NRG1: variants seen among roughly 807,000 people sequenced by gnomAD.
NRG1 encodes neuregulin 1, also known as pro-neuregulin-1, membrane-bound isoform.
In NRG1, 18 loss-of-function variants were observed where a neutral mutation model predicts 63.8. That is an observed-to-expected ratio of 0.28 (90% CI 0.19 to 0.42). NRG1 has a LOEUF of 0.42. Among genes scored for constraint, NRG1 ranks in the 10% least tolerant of loss-of-function variants. The pLI, the probability that NRG1 is intolerant of heterozygous loss-of-function variation, is 1.00. For missense variants in NRG1, 762 were observed against 814.7 expected, an observed-to-expected ratio of 0.94 and a Z score of 0.79; for synonymous variants, 302 against 301.3, an observed-to-expected ratio of 1.00 and a Z score of -0.02.
chr8:32,081,994 TGACAAAGGACACAGTATTGCTG>T (rs907119595), intron 1 of NRG1, among the ~76,000 whole-genome samples: 1 of 152,052 alleles, frequency 6.6e-6, no homozygotes, highest in Admixed American at 6.6e-5. Flanking sequence ...GGGCTGGCTT[TGACAAAGGACACAGTATTGCTG>T]GCAGAAGAAA....
intron 1 of NRG1, among the ~76,000 whole-genome samples, chr8:32,363,368 A>G (rs1452732013): frequency 1.3e-5 from 2 of 152,210 alleles, no homozygotes; most frequent in Non-Finnish European, 2.9e-5. Flanking sequence ...CAGTACACAG[A>G]TACAAGGGCT....
chr8:31,666,793 A>G (rs1473595393), intron 1 of NRG1, among the ~76,000 whole-genome samples: 1 of 152,222 alleles, frequency 6.6e-6, no homozygotes, highest in Non-Finnish European at 1.5e-5. Flanking sequence ...CATCCTTTTG[A>G]CAGGTTCTAC....
chr8:32,575,515 A>AT (rs1563684189), intron 1 of NRG1, among the ~76,000 whole-genome samples: 2 of 152,098 alleles, frequency 1.3e-5, no homozygotes, highest in African/African-American at 4.8e-5. Context: ...GAAAAGTTGT[A>AT]TTTTAGGACT....
chr8:32,203,259 A>G (rs1464531149), intron 1 of NRG1, among the ~76,000 whole-genome samples: 6 of 150,868 alleles, frequency 4.0e-5, no homozygotes, highest in Non-Finnish European at 8.8e-5. Flanking sequence ...TAAAACTGGC[A>G]ACCAGAAACA....
At chr8:32,653,867 A>G (rs1855690623) in intron 5 of NRG1, among the ~76,000 whole-genome samples, 1 of 152,192 alleles carries the variant, frequency 6.6e-6, no homozygotes, top group Non-Finnish European at 1.5e-5. Context: ...ATTCACATGA[A>G]GAGTGATTGA....
At chr8:32,537,195 CAAAA>C (rs71208193) in intron 1 of NRG1, among the ~76,000 whole-genome samples, 10 of 43,814 alleles carry the variant, frequency 2.3e-4, no homozygotes, top group Non-Finnish European at 3.7e-4. Flanking sequence ...GACTCCATCT[CAAAA>C]AAAAAAAAAA....
intron 5 of NRG1, among the ~76,000 whole-genome samples, chr8:32,627,032 A>AAG (rs554997238): frequency 6.6e-6 from 1 of 151,866 alleles, no homozygotes; most frequent in Non-Finnish European, 1.5e-5. Context: ...AAAAATAAAA[A>AAG]TAAAAAAGGA....
At chr8:31,728,028 G>C (rs1813626968) in intron 1 of NRG1, among the ~76,000 whole-genome samples, 2 of 152,162 alleles carry the variant, frequency 1.3e-5, no homozygotes, top group Admixed American at 1.3e-4. Context: ...GGGACAGTGG[G>C]AGACTTCATC....
intron 1 of NRG1, among the ~76,000 whole-genome samples, chr8:31,933,568 C>T (rs1260349142): frequency 6.6e-6 from 1 of 152,146 alleles, no homozygotes. Flanking sequence ...AGGCGTGAGC[C>T]ACTGCACCCA....
chr8:32,587,981 T>G (rs889932119), intron 1 of NRG1, among the ~76,000 whole-genome samples: 6 of 152,064 alleles, frequency 3.9e-5, no homozygotes, highest in Admixed American at 3.3e-4. Context: ...CAGGCTGGAG[T>G]GCAGTGGTGT....
At chr8:32,173,380 A>G (rs1331381773) in intron 1 of NRG1, among the ~76,000 whole-genome samples, 1 of 152,262 alleles carries the variant, frequency 6.6e-6, no homozygotes, top group Non-Finnish European at 1.5e-5. Context: ...CAGCCACTGC[A>G]AAAACATGCC....
chr8:32,123,389 C>T (rs1833713573), intron 1 of NRG1, among the ~76,000 whole-genome samples: 1 of 151,764 alleles, frequency 6.6e-6, no homozygotes, highest in Admixed American at 6.6e-5. Context: ...TTCTCTCTTG[C>T]CTGCCACCAT....
rs1295386883 is a variant in NRG1 at position 32,053,753 on chromosome 8, G to A, written c.37+414322G>A. Among the ~76,000 whole-genome samples, 3 of 152,166 alleles carry A rather than the reference G, an allele frequency of 2.0e-5. No homozygotes were observed. The South Asian group carries it at 6.2e-4, about 32-fold the overall frequency. On this transcript the variant is annotated intron_variant, in intron 1 of 10. Coordinates refer to the NRG1 transcript ENST00000519301. ...ACATGAGCAAAAAGAATGATGAGGA[G>A]TCATGGTGAGCAGAAGCTCTCTTCT...
chr8:31,808,890 TTCTC>T lies in NRG1; in HGVS notation c.37+169461_37+169464del, dbSNP rs946749437. On this transcript the variant is annotated intron_variant, in intron 1 of 10. Coordinates refer to the NRG1 transcript ENST00000519301. ...TGCTTCTTGTTATTTTGTGTTGTCT[TTCTC>T]TTTCTTGGGTAATTTTTTGTTTTGT... Among the ~76,000 whole-genome samples, 12 of 152,120 alleles carry T rather than the reference TTCTC, an allele frequency of 7.9e-5. 1 individual carries two copies. Among genetic ancestry groups the T allele is most frequent in the African/African-American group, 2.9e-4 (12 of 41,460 alleles).
chr8:32,258,940 T>C (rs1399477658), intron 1 of NRG1, among the ~76,000 whole-genome samples: 1 of 152,146 alleles, frequency 6.6e-6, no homozygotes, highest in Non-Finnish European at 1.5e-5. Context: ...AAAACTTAGA[T>C]TGGGCAATAT....
chr8:31,850,903 C>T (rs1369067159), intron 1 of NRG1, among the ~76,000 whole-genome samples: 1 of 152,176 alleles, frequency 6.6e-6, no homozygotes, highest in East Asian at 1.9e-4. Flanking sequence ...TCTCTATTGA[C>T]AAAACCGGAT....
At chr8:32,345,529 G>C (rs1222732183) in intron 1 of NRG1, among the ~76,000 whole-genome samples, 1 of 152,162 alleles carries the variant, frequency 6.6e-6, no homozygotes, top group Non-Finnish European at 1.5e-5. Context: ...AGTGGAGTCA[G>C]AGCCTTAAAA....
chr8:32,412,762 T>C (rs1815289129), intron 1 of NRG1, among the ~76,000 whole-genome samples: 1 of 152,012 alleles, frequency 6.6e-6, no homozygotes, highest in African/African-American at 2.4e-5. Flanking sequence ...CAAGTATTTG[T>C]GTCTCTAAAC....
At chr8:31,655,045 G>A (rs1235892282) in intron 1 of NRG1, among the ~76,000 whole-genome samples, 2 of 152,086 alleles carry the variant, frequency 1.3e-5, no homozygotes, top group African/African-American at 4.8e-5. Flanking sequence ...CCACCCTATG[G>A]GAGAAATTAT....
Sources: gnomAD v4.1 joint callset for allele counts (sites outside exome capture counted in the v4.1 genomes callset) on GRCh38, gnomAD v4.1.1 for gene constraint, MANE v1.5 for transcripts, NCBI Gene and HGNC (gene_info 2026-07-23, HGNC 2026-07-21) for gene names.